Variants in CSMD1 observed in about 807,000 individuals in gnomAD.
CSMD1 encodes the protein CUB and sushi domain-containing protein 1.
CSMD1 carries 213 observed loss-of-function variants against 417.5 expected under a neutral mutation model. The observed-to-expected ratio is 0.51, with a 90% CI of 0.46 to 0.57. The LOEUF (loss-of-function observed/expected upper bound fraction) is 0.57. Among genes scored for constraint, CSMD1 ranks in the 20% least tolerant of loss-of-function variants. CSMD1 has a pLI of 0.00. For missense variants in CSMD1, 6,923 were observed against 4,529.7 expected (o/e 1.53, Z -15.17); for synonymous variants, 2,862 against 1,736.8 (o/e 1.65, Z -16.11).
At chr8:4,556,948 T>C (rs1798122986) in intron 2 of CSMD1, among the ~76,000 whole-genome samples, 2 of 152,230 alleles carry the variant, frequency 1.3e-5, no homozygotes, top group Non-Finnish European at 2.9e-5. Flanking sequence ...ATATTCAACC[T>C]GTATCTGCTT....
At chr8:3,990,131 G>C (rs10109544) in intron 5 of CSMD1, among the ~76,000 whole-genome samples, 1 of 152,122 alleles carries the variant, frequency 6.6e-6, no homozygotes, top group African/African-American at 2.4e-5. Context: ...ATTTAACAGC[G>C]TTAATTTAGT....
At chr8:4,479,085 A>C (rs1800952354) in intron 2 of CSMD1, among the ~76,000 whole-genome samples, 1 of 152,206 alleles carries the variant, frequency 6.6e-6, no homozygotes, top group Non-Finnish European at 1.5e-5. Context: ...TGTGTAAAGA[A>C]ATAAGACACA....
intron 10 of CSMD1, among the ~76,000 whole-genome samples, chr8:3,540,420 A>G (rs923052622): frequency 6.6e-6 from 1 of 152,220 alleles, no homozygotes; most frequent in Non-Finnish European, 1.5e-5. Flanking sequence ...ACCCAAAACT[A>G]TAAAAACCCT....
intron 3 of CSMD1, among the ~76,000 whole-genome samples, chr8:4,142,377 C>T (rs1342212418): frequency 6.6e-6 from 1 of 150,992 alleles, no homozygotes; most frequent in Non-Finnish European, 1.5e-5. Context: ...ATATTAGAGG[C>T]CTCAGGGAGA....
intron 3 of CSMD1, among the ~76,000 whole-genome samples, chr8:4,386,873 G>C (rs773575492): frequency 6.6e-6 from 1 of 152,190 alleles, no homozygotes; most frequent in Non-Finnish European, 1.5e-5. Context: ...CCTCGTGGAT[G>C]ACTGAAAAAG....
At chr8:4,240,784 A>T (rs1802352169) in intron 3 of CSMD1, among the ~76,000 whole-genome samples, 1 of 152,214 alleles carries the variant, frequency 6.6e-6, no homozygotes, top group Non-Finnish European at 1.5e-5. Flanking sequence ...AATAAAAGTG[A>T]CAGCCAAAAA....
At chr8:4,217,886 G>A (rs1800778171) in intron 3 of CSMD1, among the ~76,000 whole-genome samples, 1 of 152,090 alleles carries the variant, frequency 6.6e-6, no homozygotes, top group African/African-American at 2.4e-5. Flanking sequence ...AAGAGGAGGT[G>A]GTTTCAGATG....
chr8:4,964,047 G>C (rs957639154), intron 1 of CSMD1, among the ~76,000 whole-genome samples: 2 of 152,074 alleles, frequency 1.3e-5, no homozygotes, highest in African/African-American at 4.8e-5. Flanking sequence ...CTTGATAGCT[G>C]GGTGAATCTG....
chr8:3,979,265 G>A (rs1481215995), intron 5 of CSMD1, among the ~76,000 whole-genome samples: 1 of 152,184 alleles, frequency 6.6e-6, no homozygotes, highest in Admixed American at 6.5e-5. Context: ...TGTTTTGGGA[G>A]CGGATTGCAA....
chr8:2,951,273 G>A lies in CSMD1; in HGVS notation c.10042C>T (p.Pro3348Ser). 2 of 1,600,624 alleles carry A rather than the reference G, an allele frequency of 1.2e-6. No homozygotes were observed. Among genetic ancestry groups the A allele is most frequent in the South Asian group, 2.2e-5 (2 of 88,990 alleles). The change falls in exon 66 of 70, where the codon CCT becomes TCT. Residue 3348 changes from proline (P) to serine (S), a missense_variant and splice_region_variant. Pro to Ser is a moderately conservative substitution (Grantham distance 74, BLOSUM62 -1). Coordinates refer to ENST00000635120, the MANE Select transcript of CSMD1 (RefSeq NM_033225.6). Reference protein sequence around the residue: ...VNETVTKTPVPSDVFFVNSLW... With the variant: ...VNETVTKTPVSSDVFFVNSLW... The stretch of plus-strand genomic sequence containing the variant: ...GAATTGACGAAAAAGACATCTGAAG[G>A]AACTGTGGGAAGGGGGGAAACAGAC...
intron 2 of CSMD1, among the ~76,000 whole-genome samples, chr8:4,517,140 T>C (rs753801399): frequency 1.3e-5 from 2 of 152,226 alleles, no homozygotes; most frequent in African/African-American, 4.8e-5. Context: ...AAGGAAAACA[T>C]GATTATAAGT....
intron 2 of CSMD1, among the ~76,000 whole-genome samples, chr8:4,455,682 G>A (rs576060522): frequency 6.6e-6 from 1 of 151,944 alleles, no homozygotes; most frequent in Admixed American, 6.6e-5. Context: ...TGTAATCTCA[G>A]CACTTTGGGA....
At chr8:4,447,603 A>G (rs1465596890) in intron 2 of CSMD1, among the ~76,000 whole-genome samples, 3 of 152,246 alleles carry the variant, frequency 2.0e-5, no homozygotes, top group Non-Finnish European at 4.4e-5. Flanking sequence ...TTCATGTAAT[A>G]CTTCCCACTT....
chr8:3,742,365 C>A (rs1396833205), intron 6 of CSMD1, among the ~76,000 whole-genome samples: 1 of 152,004 alleles, frequency 6.6e-6, no homozygotes, highest in Admixed American at 6.6e-5. Context: ...CGAATCTGAC[C>A]CGAATATTTT....
At chr8:4,054,541 C>G (rs569242666) in intron 3 of CSMD1, among the ~76,000 whole-genome samples, 1 of 151,956 alleles carries the variant, frequency 6.6e-6, no homozygotes, top group African/African-American at 2.4e-5. Context: ...TCAAACATGC[C>G]TGAGATGTCC....
chr8:4,447,828 A>G (rs1798903257), intron 2 of CSMD1, among the ~76,000 whole-genome samples: 2 of 152,228 alleles, frequency 1.3e-5, no homozygotes, highest in South Asian at 4.1e-4. Flanking sequence ...CAACGTTTCA[A>G]AGATTTAAGT....
At chr8:3,459,456 G>C (rs1322701566) in intron 12 of CSMD1, among the ~76,000 whole-genome samples, 2 of 152,160 alleles carry the variant, frequency 1.3e-5, no homozygotes, top group African/African-American at 4.8e-5. Context: ...ACCCTGACCT[G>C]AATCTCCGTC....
At chr8:4,127,875 C>T (rs1563159017) in intron 3 of CSMD1, among the ~76,000 whole-genome samples, 2 of 152,072 alleles carry the variant, frequency 1.3e-5, no homozygotes, top group Non-Finnish European at 2.9e-5. Flanking sequence ...CAGACACTGC[C>T]AGCAAATGGT....
chr8:4,934,074 T>A (rs974028459), intron 1 of CSMD1, among the ~76,000 whole-genome samples: 4 of 152,040 alleles, frequency 2.6e-5, no homozygotes, highest in Non-Finnish European at 4.4e-5. Context: ...AAGGTCTCCA[T>A]GAACTGAGAA....
Sources: allele counts gnomAD v4.1 joint callset (sites outside exome capture counted in the v4.1 genomes callset), GRCh38; gene constraint gnomAD v4.1.1; transcripts MANE v1.5; gene names NCBI Gene and HGNC (gene_info 2026-07-23, HGNC 2026-07-21).